The following DPP10 variants were observed in gnomAD, a reference collection of about 807,000 sequenced individuals.
DPP10 encodes the protein dipeptidyl peptidase like 10, also known as inactive dipeptidyl peptidase 10.
A neutral mutation model predicts 120.9 loss-of-function variants in DPP10; 33 were observed. That is an observed-to-expected ratio of 0.27 (90% confidence interval 0.21 to 0.37). DPP10 has a LOEUF of 0.37. Ranked by LOEUF, DPP10 falls within the 10% of genes least tolerant of loss-of-function variation. The pLI is 1.00. For missense variants in DPP10, 816 were observed against 942.8 expected, an observed-to-expected ratio of 0.87 and a Z score of 1.76; for synonymous variants, 337 against 326.1, an observed-to-expected ratio of 1.03 and a Z score of -0.36.
rs141996375 is a variant in DPP10 at position 115,267,906 on chromosome 2, C to T, written c.61-41333C>T. ...ATGTGTGTCCACTCATTTCATAATG[C>T]TCTACTGTAGGTTAAGGCCTATGTC... On this transcript the variant is annotated intron_variant, in intron 1 of 25. Transcript: ENST00000410059. Among the ~76,000 whole-genome samples the T allele has an allele frequency of 2.5e-4, 38 of 152,206 alleles. No homozygotes were observed. The East Asian group carries it at 7.0e-3, about 28-fold the overall frequency.
At chr2:114,979,366 T>G (rs942880892) in intron 1 of DPP10, among the ~76,000 whole-genome samples, 3 of 152,056 alleles carry the variant, frequency 2.0e-5, no homozygotes, top group African/African-American at 7.2e-5. Flanking sequence ...TCCATCAGTT[T>G]TGATGTTTCC....
chr2:115,299,760 T>A (rs1454912903), intron 1 of DPP10, among the ~76,000 whole-genome samples: 1 of 152,100 alleles, frequency 6.6e-6, no homozygotes, highest in African/African-American at 2.4e-5. Flanking sequence ...TTATATTCCA[T>A]TTTGATAACT....
Position 115,587,770 on chromosome 2 carries a change from T to C in DPP10, c.441+61798T>C, listed in dbSNP as rs1333229563. Among the ~76,000 whole-genome samples, 5 of 152,326 alleles carry C rather than the reference T, an allele frequency of 3.3e-5. No individual in the cohort carries two copies. The South Asian group carries it at 6.2e-4, about 19-fold the overall frequency. On this transcript the variant is annotated intron_variant, in intron 5 of 25. Transcript: ENST00000410059. The stretch of plus-strand genomic sequence containing the variant: ...ATATTTGAAGACATTTTAATGTCTT[T>C]CCATAAAGTGTTTGATCACATGTTG...
chr2:115,216,383 A>T (rs563916676), intron 1 of DPP10, among the ~76,000 whole-genome samples: 1 of 152,314 alleles, frequency 6.6e-6, no homozygotes, highest in East Asian at 1.9e-4. Context: ...GAATCTCCCA[A>T]GGTCTCTGGA....
At chr2:115,735,684 ATTTTTTTTTTTTTT>A (rs70941095) in intron 8 of DPP10, among the ~76,000 whole-genome samples, 2 of 62,462 alleles carry the variant, frequency 3.2e-5, no homozygotes, top group African/African-American at 1.4e-4. Flanking sequence ...CGCCCAGCTA[ATTTTTTTTTTTTTT>A]TTTTTTTTTT....
chr2:115,468,830 C>A, intron 3 of DPP10: 1 of 434,850 alleles, frequency 2.3e-6, no homozygotes, highest in Non-Finnish European at 4.5e-6. Flanking sequence ...GCTTATTCAG[C>A]AGGGCTCTGC....
chr2:115,535,758 T>C (rs1156959947), intron 5 of DPP10, among the ~76,000 whole-genome samples: 2 of 151,876 alleles, frequency 1.3e-5, no homozygotes, highest in East Asian at 3.9e-4. Context: ...TGGAATGTTC[T>C]TCCATTTGTT....
chr2:114,937,178 A>G (rs1363618296), intron 1 of DPP10, among the ~76,000 whole-genome samples: 1 of 152,124 alleles, frequency 6.6e-6, no homozygotes. Context: ...GCCAATGTCT[A>G]GAAGGGTTTT....
intron 1 of DPP10, among the ~76,000 whole-genome samples, chr2:114,763,232 G>A (rs1389926408): frequency 6.6e-6 from 1 of 152,182 alleles, no homozygotes; most frequent in Non-Finnish European, 1.5e-5. Context: ...TGACTCTGGA[G>A]CTTGAAAAGA....
At chr2:114,872,145 G>A (rs905107678) in intron 1 of DPP10, among the ~76,000 whole-genome samples, 6 of 152,014 alleles carry the variant, frequency 3.9e-5, no homozygotes, top group African/African-American at 4.8e-5. Flanking sequence ...CCCAAGACTC[G>A]GTAATTTATA....
At chr2:115,764,314 A>T (rs989655307) in intron 12 of DPP10, among the ~76,000 whole-genome samples, 1 of 152,166 alleles carries the variant, frequency 6.6e-6, no homozygotes, top group Non-Finnish European at 1.5e-5. Context: ...GGGTAGGTAG[A>T]TGGATAGACA....
intron 5 of DPP10, among the ~76,000 whole-genome samples, chr2:115,614,038 T>A (rs1200046349): frequency 6.6e-6 from 1 of 152,072 alleles, no homozygotes; most frequent in African/African-American, 2.4e-5. Flanking sequence ...GATGGAGAGA[T>A]CCAAAAAAGC....
At chr2:115,061,201 A>C (rs1469646449) in intron 1 of DPP10, among the ~76,000 whole-genome samples, 1 of 152,222 alleles carries the variant, frequency 6.6e-6, no homozygotes, top group Non-Finnish European at 1.5e-5. Context: ...AAAGATAGAG[A>C]TTCCCTTCCT....
chr2:115,070,937 A>T (rs933638651), intron 1 of DPP10, among the ~76,000 whole-genome samples: 3 of 152,190 alleles, frequency 2.0e-5, no homozygotes, highest in African/African-American at 7.2e-5. Flanking sequence ...TTTCCCAGAT[A>T]GTCAAAAACA....
intron 4 of DPP10, among the ~76,000 whole-genome samples, chr2:115,505,465 G>T (rs2148814206): frequency 6.6e-6 from 1 of 152,156 alleles, no homozygotes; most frequent in South Asian, 2.1e-4. Flanking sequence ...GGAGCTGGAG[G>T]TGTCAGACAG....
At chr2:115,274,951 C>G (rs562070820) in intron 1 of DPP10, among the ~76,000 whole-genome samples, 1 of 152,220 alleles carries the variant, frequency 6.6e-6, no homozygotes, top group South Asian at 2.1e-4. Context: ...GCACAGGGTT[C>G]TATTCACAGA....
At chr2:114,605,167 G>A (rs1692687203) in intron 1 of DPP10, among the ~76,000 whole-genome samples, 1 of 152,064 alleles carries the variant, frequency 6.6e-6, no homozygotes. Flanking sequence ...TTAGAGACCA[G>A]AGCTAGATTA....
intron 3 of DPP10, among the ~76,000 whole-genome samples, chr2:115,461,515 G>T (rs2073983084): frequency 6.6e-6 from 1 of 152,036 alleles, no homozygotes; most frequent in Admixed American, 6.6e-5. Context: ...AAAAAGAATA[G>T]ATTTTAAATG....
intron 1 of DPP10, among the ~76,000 whole-genome samples, chr2:115,248,107 T>A (rs180871347): frequency 2.8e-4 from 43 of 152,268 alleles, no homozygotes; most frequent in South Asian, 1.2e-3. Flanking sequence ...GTCATCTCCA[T>A]TAGGAGGAAT....
Sources: allele counts gnomAD v4.1 joint callset (sites outside exome capture counted in the v4.1 genomes callset), GRCh38; gene constraint gnomAD v4.1.1; transcripts MANE v1.5; gene names NCBI Gene and HGNC (gene_info 2026-07-23, HGNC 2026-07-21).